The following MPPE1 variants were observed in gnomAD, a reference collection of about 807,000 sequenced individuals.
MPPE1 encodes the protein metallo phosphoesterase.
MPPE1 carries 28 observed loss-of-function variants against 43.8 expected under a neutral mutation model. That is an observed-to-expected ratio of 0.64 (90% CI 0.47 to 0.88). MPPE1 has a LOEUF of 0.88. MPPE1 is among the 40% of genes least tolerant of loss of function. The pLI, the probability that MPPE1 is intolerant of heterozygous loss-of-function variation, is 0.00. For missense variants in MPPE1, 428 were observed against 492.2 expected, an observed-to-expected ratio of 0.87 and a Z score of 1.23; for synonymous variants, 159 against 188.5, an observed-to-expected ratio of 0.84 and a Z score of 1.28.
Position 11,882,904 on chromosome 18 carries a change from G to A in MPPE1, c.*1541C>T, listed in dbSNP as rs1050889968. On this transcript the variant is annotated 3_prime_UTR_variant, in exon 11 of 11. Transcript: ENST00000588072. ...CAATATCTAGAAAGTAAGAACTGGT[G>A]TAGCAATGATGCTTCATATTCTAGC... The A allele has an allele frequency of 6.6e-6, 1 of 152,122 alleles. No individual in the cohort carries two copies. The highest frequency in any genetic ancestry group is 6.5e-5 in the Admixed American group (1 of 15,272). 9.4% of individuals were successfully genotyped at this position (152,122 alleles called of 1,614,324 possible). A position where few individuals can be genotyped will look rare whatever the true frequency, so the allele number is the denominator to read the frequency against.
intron 10 of MPPE1, 39 bp from the exon 11 acceptor site, chr18:11,884,666 G>A (rs1416592209): frequency 3.1e-6 from 5 of 1,588,444 alleles, no homozygotes; most frequent in East Asian, 4.5e-5. Context: ...AGAGCACCAG[G>A]CACACGTTGA....
intron 5 of MPPE1, 85 bp downstream of exon 5, chr18:11,889,302 A>G (rs912510173): frequency 3.5e-6 from 3 of 857,016 alleles, no homozygotes; most frequent in African/African-American, 1.7e-5. Flanking sequence ...GACAGCACAA[A>G]TAGGGCTTTC....
chr18:11,895,270 C>T (rs1598546591), intron 3 of MPPE1: 1 of 152,326 alleles, frequency 6.6e-6, no homozygotes, highest in Non-Finnish European at 1.5e-5. Context: ...CACAGCAAAA[C>T]TCCATCTCTA....
At chr18:11,901,630 CAGG>C (rs1263200776) in intron 2 of MPPE1, among the ~76,000 whole-genome samples, 2 of 151,944 alleles carry the variant, frequency 1.3e-5, no homozygotes, top group African/African-American at 4.8e-5. Context: ...CACCTGAGGT[CAGG>C]AGTTCAAGAC....
At position 11,894,252 on chromosome 18, in the gene MPPE1, C is replaced by A. The variant is rs538585051; in HGVS notation, c.282-676G>T. On this transcript the variant is annotated intron_variant, in intron 3 of 10. Coordinates refer to ENST00000588072, the MANE Select transcript of MPPE1 (RefSeq NM_023075.6). ...GAGCAGCCTGGCCAATATCATGAAA[C>A]CCTGTCTCTACTAAAAATACAAAAA... 2.0e-5 allele frequency among the ~76,000 whole-genome samples: 3 copies of A among 152,000 alleles called. 1 individual carries two copies. In the South Asian group the frequency reaches 6.2e-4, roughly 32 times the overall value.
chr18:11,886,607 A>G lies in MPPE1; in HGVS notation c.759T>C (p.Tyr253=). 6.2e-7 allele frequency: 1 copy of G among 1,614,124 alleles called. No individual in the cohort carries two copies. The highest frequency in any genetic ancestry group is 8.5e-7 in the Non-Finnish European group (1 of 1,180,020). The change falls in exon 9 of 11, where the codon TAT becomes TAC. Residue 253 remains tyrosine (Y), a synonymous_variant. Coordinates refer to ENST00000588072, the MANE Select transcript of MPPE1 (RefSeq NM_023075.6). The surrounding 1 kb of genome is among the most constrained non-coding windows in gnomAD (Gnocchi z 4.1). ...APVLLQHYPL[Y]RRSDANCSGE... ...CAGAACAGTTAGCATCACTTCTCCG[A>G]TACAGAGGATAATGCTGTCCGGGGT...
intron 2 of MPPE1, among the ~76,000 whole-genome samples, chr18:11,899,171 T>C (rs8094335): frequency 0.26 from 38,983 of 150,544 alleles, 7,209 homozygotes; most frequent in African/African-American, 0.54. Flanking sequence ...CGCCTCAGCT[T>C]CCCAAAGTGC....
In MPPE1 at chr18:11,883,046, T is replaced by C. The variant is rs2036749523; in HGVS notation, c.*1399A>G. The C allele has an allele frequency of 1.4e-5, 1 of 70,032 alleles. No homozygotes were observed. The highest frequency in any genetic ancestry group is 4.1e-5 in the Non-Finnish European group (1 of 24,566). The allele number at this position is 70,032 out of a possible 1,614,324, so 4.3% of individuals were successfully genotyped here. A position where few individuals can be genotyped will look rare whatever the true frequency, so the allele number is the denominator to read the frequency against. On this transcript the variant is annotated 3_prime_UTR_variant, in exon 11 of 11. Transcript: ENST00000588072. The stretch of plus-strand genomic sequence containing the variant: ...AGAAGTGACAGCCTACATTACTTCA[T>C]TATTACTCTTCTTTTAGTCTTTAGT...
In MPPE1 at chr18:11,906,276, T is replaced by A. The variant is rs1391226796; in HGVS notation, c.-166A>T. 1 of 152,174 alleles carries A rather than the reference T, an allele frequency of 6.6e-6. No homozygotes were observed. Among genetic ancestry groups the A allele is most frequent in the East Asian group, 1.9e-4 (1 of 5,194 alleles). 9.4% of individuals were successfully genotyped at this position (152,174 alleles called of 1,614,324 possible). A position where few individuals can be genotyped will look rare whatever the true frequency, so the allele number is the denominator to read the frequency against. ...GAGAGATTGGTACGAGGCTCTAAGT[T>A]GGCATCTGCTCCCCAAAATCAGAAT... On this transcript the variant is annotated 5_prime_UTR_variant, in exon 2 of 11. Coordinates refer to ENST00000588072, the MANE Select transcript of MPPE1 (RefSeq NM_023075.6).
chr18:11,885,710 C>T lies in MPPE1; in HGVS notation c.974G>A (p.Ser325Asn). 6.2e-7 allele frequency: 1 copy of T among 1,613,902 alleles called. No individual in the cohort carries two copies. The highest frequency in any genetic ancestry group is 8.5e-7 in the Non-Finnish European group (1 of 1,179,814). ...ACTGGGGTTGTTTCTGTTCCTCCAA[C>T]TGAAAGATGGGACGCTGAGCTCGGG... The part of the protein sequence containing the change: ...RVPELSVPSF[S>N]WRNRNNPSFI... Residue 325 changes from serine (S) to asparagine (N), a missense_variant, in exon 10 of 11, where the codon AGT becomes AAT. Physicochemically the swap from Ser to Asn is conservative, Grantham distance 46. This residue lies in a region of MPPE1 where 379 missense variants were observed against 402.5 expected (regional missense o/e 0.94). Transcript: ENST00000588072.
intron 3 of MPPE1, among the ~76,000 whole-genome samples, 167 bp from the exon 4 acceptor site, chr18:11,893,743 T>G (rs555384128): frequency 1.3e-5 from 2 of 152,264 alleles, no homozygotes; most frequent in East Asian, 3.9e-4. Context: ...AGTCCATATC[T>G]GATTAAAGGT....
chr18:11,907,309 C>G (rs374468632), intron 1 of MPPE1, among the ~76,000 whole-genome samples: 68 of 152,272 alleles, frequency 4.5e-4, no homozygotes, highest in African/African-American at 1.5e-3. Flanking sequence ...CCCGACCCAC[C>G]CACCTCCTCA....
intron 2 of MPPE1, among the ~76,000 whole-genome samples, chr18:11,900,539 A>G (rs900254084): frequency 7.2e-5 from 11 of 152,202 alleles, no homozygotes; most frequent in Admixed American, 1.3e-4. Flanking sequence ...CCCATTCCCT[A>G]TAAGAGTCCC....
chr18:11,886,200 C>T lies in MPPE1; in HGVS notation c.867+299G>A, dbSNP rs2144111812. 2.9e-6 allele frequency: 1 copy of T among 341,822 alleles called. No individual in the cohort carries two copies. Among genetic ancestry groups the T allele is most frequent in the South Asian group, 3.7e-5 (1 of 27,372 alleles). 21.2% of individuals were successfully genotyped at this position (341,822 alleles called of 1,614,324 possible). ...CCCTAAAAAATTGACTTTTCAGTTC[C>T]ATTCACATTTCTAAATACATTTAAG... On this transcript the variant is annotated intron_variant, in intron 9 of 10. Coordinates refer to ENST00000588072, the MANE Select transcript of MPPE1 (RefSeq NM_023075.6). This position sits in a 1 kb window ranked among gnomAD's most constrained non-coding sequence, Gnocchi z 4.1.
At chr18:11,907,711 C>G (rs2039861653) in intron 1 of MPPE1, among the ~76,000 whole-genome samples, 2 of 140,410 alleles carry the variant, frequency 1.4e-5, no homozygotes, top group African/African-American at 5.3e-5. Context: ...GGGGGACTTG[C>G]TATGTTGCCC....
rs1246444288 is a variant in MPPE1 at position 11,900,842 on chromosome 18, G to A, written c.-92-3486C>T. 2.7e-5 allele frequency among the ~76,000 whole-genome samples: 4 copies of A among 150,608 alleles called. No individual in the cohort carries two copies. The South Asian group carries it at 8.3e-4, about 31-fold the overall frequency. On this transcript the variant is annotated intron_variant, in intron 2 of 10. Transcript: ENST00000588072. ...GAATGGCGTGAACCCAGGAGGCAAA[G>A]CCTGCAGTGAGCCGAGATTGCGCCA...
intron 4 of MPPE1, among the ~76,000 whole-genome samples, chr18:11,890,251 C>A (rs942312407): frequency 6.6e-6 from 1 of 151,728 alleles, no homozygotes; most frequent in Non-Finnish European, 1.5e-5. Flanking sequence ...CATAATATGT[C>A]TTTTTTAAAA....
chr18:11,886,595 A>G lies in MPPE1; in HGVS notation c.771T>C (p.Asp257=). The G allele has an allele frequency of 3.1e-6, 5 of 1,614,220 alleles. No individual in the cohort carries two copies. The highest frequency in any genetic ancestry group is 4.2e-6 in the Non-Finnish European group (5 of 1,180,042). ...CAGCGTCTTCCCCAGAACAGTTAGCATCACTTCTCCGATACAGAGGATAAT... is the reference window on the plus strand; with the variant it reads ...CAGCGTCTTCCCCAGAACAGTTAGCGTCACTTCTCCGATACAGAGGATAAT... The part of the protein sequence containing the change: ...LQHYPLYRRS[D]ANCSGEDAAP... Residue 257 remains aspartate (D), a synonymous_variant, in exon 9 of 11, where the codon GAT becomes GAC. Transcript: ENST00000588072. The surrounding 1 kb of genome is among the most constrained non-coding windows in gnomAD (Gnocchi z 4.1).
At chr18:11,903,167 C>A (rs1241570982) in intron 2 of MPPE1, among the ~76,000 whole-genome samples, 1 of 152,084 alleles carries the variant, frequency 6.6e-6, no homozygotes, top group Non-Finnish European at 1.5e-5. Context: ...TCTCTAAAAA[C>A]GATCATTTAG....
Sources: gnomAD v4.1 joint callset for allele counts (sites outside exome capture counted in the v4.1 genomes callset) on GRCh38, gnomAD v4.1.1 for gene constraint, gnomAD v4.1.1 regional missense constraint, Gnocchi (gnomAD v3.1) non-coding constraint, MANE v1.5 for transcripts, NCBI Gene and HGNC (gene_info 2026-07-23, HGNC 2026-07-21) for gene names.